The following ATG7 variants were observed in gnomAD, a reference collection of about 807,000 sequenced individuals.
The protein encoded by ATG7 is autophagy related 7.
ATG7 carries 70 observed loss-of-function variants against 82.4 expected under a neutral mutation model. That is an observed-to-expected ratio of 0.85 (90% confidence interval 0.70 to 1.04). The LOEUF is 1.04. Ranked by LOEUF, ATG7 falls within the 50% of genes least tolerant of loss-of-function variation. The pLI, the probability that ATG7 is intolerant of heterozygous loss-of-function variation, is 0.00. For missense variants in ATG7, 792 were observed against 864.3 expected, an observed-to-expected ratio of 0.92 and a Z score of 1.05; for synonymous variants, 287 against 313.0, an observed-to-expected ratio of 0.92 and a Z score of 0.88.
At position 11,554,922 on chromosome 3, in the gene ATG7, C is replaced by G; in HGVS notation, c.*79C>G. The G allele has an allele frequency of 6.5e-7, 1 of 1,540,724 alleles. No homozygotes were observed. Among genetic ancestry groups the G allele is most frequent in the East Asian group, 2.3e-5 (1 of 43,142 alleles). ...CATCGCCAGAGCAGGACTGCTGACC[C>G]CAGGCCTGGTGATTCTGGGCCCCTC... On this transcript the variant is annotated 3_prime_UTR_variant, in exon 21 of 21. Coordinates refer to ENST00000693202, the MANE Select transcript of ATG7 (RefSeq NM_001349232.2).
the ATG7 span, among the ~76,000 whole-genome samples, chr3:11,567,867 C>A: frequency 6.6e-6 from 1 of 152,232 alleles, no homozygotes; most frequent in Non-Finnish European, 1.5e-5. Context: ...TGAATGGCTT[C>A]TCTCCACCCC....
At chr3:11,303,494 C>T (rs887401070) in intron 5 of ATG7, among the ~76,000 whole-genome samples, 1 of 151,484 alleles carries the variant, frequency 6.6e-6, no homozygotes, top group Non-Finnish European at 1.5e-5. Context: ...ATGGTGAAAC[C>T]CCGTCTCTAC....
intron 20 of ATG7, among the ~76,000 whole-genome samples, chr3:11,470,009 AG>A (rs1443579586): frequency 7.4e-4 from 108 of 146,366 alleles, no homozygotes; most frequent in African/African-American, 2.5e-3. Context: ...AAAAAAAAAA[AG>A]AGAGAGAGAG....
chr3:11,493,737 A>G (rs1232369418), intron 20 of ATG7, among the ~76,000 whole-genome samples: 2 of 152,224 alleles, frequency 1.3e-5, no homozygotes, highest in African/African-American at 4.8e-5. Context: ...TCCGTGATAC[A>G]GCCTAGGGGA....
chr3:11,407,095 A>G (rs1170332631), intron 19 of ATG7, among the ~76,000 whole-genome samples: 3 of 152,174 alleles, frequency 2.0e-5, no homozygotes, highest in Non-Finnish European at 4.4e-5. Flanking sequence ...TATAAATCAA[A>G]AGCAAGTTAG....
chr3:11,461,349 A>G (rs11707801), intron 20 of ATG7, among the ~76,000 whole-genome samples: 1 of 152,214 alleles, frequency 6.6e-6, no homozygotes, highest in Non-Finnish European at 1.5e-5. Flanking sequence ...GAAACCAAAG[A>G]TAAAGTCACT....
chr3:11,277,931 T>G, intron 1 of ATG7, among the ~76,000 whole-genome samples: 1 of 117,274 alleles, frequency 8.5e-6, no homozygotes, highest in Admixed American at 1.1e-4. Flanking sequence ...TTTCCCAGGG[T>G]CTTAATTATT....
chr3:11,530,426 G>C (rs766328414), intron 20 of ATG7, among the ~76,000 whole-genome samples: 1 of 151,932 alleles, frequency 6.6e-6, no homozygotes, highest in Non-Finnish European at 1.5e-5. Flanking sequence ...GTAGCTTCCA[G>C]ACTGTCTTTC....
At position 11,555,350 on chromosome 3, in the gene ATG7, GGGA is replaced by G. The variant is rs1187426751; in HGVS notation, c.*518_*520del. 5.1e-5 allele frequency: 8 copies of G among 155,802 alleles called. No individual in the cohort carries two copies. Among genetic ancestry groups the G allele is most frequent in the South Asian group, 2.0e-4 (1 of 5,000 alleles). The allele number at this position is 155,802 out of a possible 1,614,324, so 9.7% of individuals were successfully genotyped here. A position where few individuals can be genotyped will look rare whatever the true frequency, so the allele number is the denominator to read the frequency against. On this transcript the variant is annotated 3_prime_UTR_variant, in exon 21 of 21. Coordinates refer to ENST00000693202, the MANE Select transcript of ATG7 (RefSeq NM_001349232.2). ...CACTGCACCCTGGCCCTGGTGGAGC[GGGA>G]GGAGGAGGAGAGCCGAGCTGGGTAC... is the stretch of plus-strand genomic sequence containing the variant.
chr3:11,340,659 G>A lies in ATG7; in HGVS notation c.904G>A (p.Val302Ile). 2.5e-6 allele frequency: 4 copies of A among 1,613,708 alleles called. No homozygotes were observed. Among genetic ancestry groups the A allele is most frequent in the Non-Finnish European group, 2.5e-6 (3 of 1,179,714 alleles). Residue 302 changes from valine to isoleucine, a missense_variant, in exon 12 of 21, where the codon GTT becomes ATT. Coordinates refer to ENST00000693202, the MANE Select transcript of ATG7 (RefSeq NM_001349232.2). ...TTTGCCTTAAGATTGTCCTAAAGCA[G>A]TTGGATGGGAAAAGAACCAGAAAGG... ...MAFSPDCPKA[V>I]GWEKNQKGGM...
chr3:11,418,831 C>G (rs535532276), intron 19 of ATG7, among the ~76,000 whole-genome samples: 38 of 152,264 alleles, frequency 2.5e-4, no homozygotes, highest in Admixed American at 7.8e-4. Flanking sequence ...AGGAAACTTA[C>G]AATTATGGTG....
intron 12 of ATG7, among the ~76,000 whole-genome samples, chr3:11,341,749 G>C (rs1953671908): frequency 6.6e-6 from 1 of 152,168 alleles, no homozygotes. Flanking sequence ...TGCCTGGCCT[G>C]AGCGCAGGAG....
chr3:11,392,317 G>A (rs2078880180), intron 19 of ATG7, among the ~76,000 whole-genome samples: 1 of 152,206 alleles, frequency 6.6e-6, no homozygotes. Flanking sequence ...AGACAGTGCT[G>A]TTTTGAAAAT....
At chr3:11,389,165 G>A (rs1050572466) in intron 19 of ATG7, among the ~76,000 whole-genome samples, 13 of 149,912 alleles carry the variant, frequency 8.7e-5, no homozygotes, top group African/African-American at 2.7e-4. Context: ...CCCAGGAGGT[G>A]GAGGTTGCAG....
chr3:11,466,853 G>A (rs1236565066), intron 20 of ATG7, among the ~76,000 whole-genome samples: 2 of 152,114 alleles, frequency 1.3e-5, no homozygotes, highest in Non-Finnish European at 2.9e-5. Context: ...GATGGAGCTG[G>A]GCATGGTGGC....
chr3:11,464,355 C>T (rs112743106), intron 20 of ATG7, among the ~76,000 whole-genome samples: 10 of 151,540 alleles, frequency 6.6e-5, no homozygotes, highest in South Asian at 4.1e-4. Flanking sequence ...CCTGGGTGAA[C>T]GAGCAAGACC....
chr3:11,375,157 G>A (rs1032341668), intron 18 of ATG7, among the ~76,000 whole-genome samples: 1 of 151,454 alleles, frequency 6.6e-6, no homozygotes, highest in Non-Finnish European at 1.5e-5. Flanking sequence ...AGAGTAAGCC[G>A]AGATCACACT....
intron 14 of ATG7, among the ~76,000 whole-genome samples, chr3:11,348,939 T>C (rs908229340): frequency 6.6e-6 from 1 of 152,110 alleles, no homozygotes; most frequent in African/African-American, 2.4e-5. Context: ...GAGTGCTGAT[T>C]GGTGCGTTTA....
At chr3:11,332,949 T>G in intron 10 of ATG7, 23 bp from the exon 11 acceptor site, 1 of 1,428,534 alleles carries the variant, frequency 7.0e-7, no homozygotes, top group Non-Finnish European at 9.2e-7. Context: ...AATAAATAAA[T>G]AAAAATCCGG....
Sources: allele counts gnomAD v4.1 joint callset (sites outside exome capture counted in the v4.1 genomes callset), GRCh38; gene constraint gnomAD v4.1.1; transcripts MANE v1.5; gene names NCBI Gene and HGNC (gene_info 2026-07-23, HGNC 2026-07-21).